Variants in SORCS2 observed in about 807,000 individuals in gnomAD.
The protein encoded by SORCS2 is sortilin related VPS10 domain containing receptor 2.
SORCS2 carries 100 observed loss-of-function variants against 141.6 expected under a neutral mutation model. That is an observed-to-expected ratio of 0.71 (90% CI 0.60 to 0.83). The LOEUF (loss-of-function observed/expected upper bound fraction) is 0.83, where lower values mean the gene tolerates loss of function less well. SORCS2 is among the 40% of genes least tolerant of loss of function. The probability of loss-of-function intolerance (pLI) is 0.00; values close to 1 mark genes in which losing one functional copy is unlikely to be tolerated. For synonymous variants in SORCS2, 789 were observed against 676.9 expected, an observed-to-expected ratio of 1.17 and a Z score of -2.57; for missense variants, 1,646 against 1,560.2, an observed-to-expected ratio of 1.05 and a Z score of -0.93.
chr4:7,577,446 A>C (rs551280640), intron 3 of SORCS2, among the ~76,000 whole-genome samples: 1 of 152,178 alleles, frequency 6.6e-6, no homozygotes, highest in East Asian at 1.9e-4. Context: ...CATACAGGCG[A>C]AGTCAGCTAG....
chr4:7,580,123 T>C (rs1450817393), intron 3 of SORCS2, among the ~76,000 whole-genome samples: 18 of 152,202 alleles, frequency 1.2e-4, no homozygotes, highest in Admixed American at 1.2e-3. Flanking sequence ...ACCTTTCCAA[T>C]TCATATAGTA....
chr4:7,470,261 C>G (rs1729890734), intron 2 of SORCS2, among the ~76,000 whole-genome samples: 1 of 151,706 alleles, frequency 6.6e-6, no homozygotes, highest in Non-Finnish European at 1.5e-5. Context: ...ATCCTCCCAT[C>G]CTCCCATCCT....
At chr4:7,309,615 C>T (rs947685906) in intron 1 of SORCS2, among the ~76,000 whole-genome samples, 1 of 152,150 alleles carries the variant, frequency 6.6e-6, no homozygotes, top group Admixed American at 6.5e-5. Context: ...GTATTTTCAG[C>T]TTTTTTAGTG....
At chr4:7,649,623 C>T (rs1043034103) in intron 4 of SORCS2, among the ~76,000 whole-genome samples, 2 of 152,114 alleles carry the variant, frequency 1.3e-5, no homozygotes, top group African/African-American at 2.4e-5. Flanking sequence ...AGGACAGGAA[C>T]CCAGGGAGGA....
At chr4:7,503,579 T>A (rs990340338) in intron 2 of SORCS2, among the ~76,000 whole-genome samples, 4 of 152,064 alleles carry the variant, frequency 2.6e-5, no homozygotes, top group African/African-American at 9.7e-5. Context: ...GAGACCCAGA[T>A]ACACCTGCAG....
intron 1 of SORCS2, among the ~76,000 whole-genome samples, chr4:7,270,008 T>C (rs954646520): frequency 5.9e-5 from 9 of 152,210 alleles, no homozygotes; most frequent in African/African-American, 2.2e-4. Context: ...GCCTCCCAAG[T>C]AGCTGAGACT....
intron 1 of SORCS2, among the ~76,000 whole-genome samples, chr4:7,287,930 C>T (rs377170210): frequency 6.6e-5 from 10 of 152,320 alleles, no homozygotes; most frequent in East Asian, 1.9e-4. Context: ...ACATGCAGGC[C>T]GATTGGAGCC....
intron 2 of SORCS2, among the ~76,000 whole-genome samples, chr4:7,462,203 T>A (rs28650405): frequency 0.038 from 5,769 of 152,256 alleles, 381 homozygotes; most frequent in African/African-American, 0.13. Flanking sequence ...GCGCCAGCTC[T>A]CCTGCCCGGT....
At chr4:7,206,128 G>A (rs1727722756) in intron 1 of SORCS2, among the ~76,000 whole-genome samples, 1 of 152,106 alleles carries the variant, frequency 6.6e-6, no homozygotes, top group Non-Finnish European at 1.5e-5. Flanking sequence ...GATGAGATGG[G>A]GACAGATGGA....
chr4:7,579,861 A>G (rs1716029669), intron 3 of SORCS2, among the ~76,000 whole-genome samples: 1 of 152,128 alleles, frequency 6.6e-6, no homozygotes. Flanking sequence ...TCTTCTACCT[A>G]GAGGGATCCA....
intron 3 of SORCS2, among the ~76,000 whole-genome samples, chr4:7,563,525 G>A (rs1480265497): frequency 1.3e-5 from 2 of 152,186 alleles, no homozygotes; most frequent in Non-Finnish European, 2.9e-5. Flanking sequence ...CATGCCACTA[G>A]ATGGTCATGG....
intron 2 of SORCS2, among the ~76,000 whole-genome samples, chr4:7,479,527 C>A (rs1186593665): frequency 6.6e-6 from 1 of 152,252 alleles, no homozygotes; most frequent in Admixed American, 6.5e-5. Context: ...GAGGCATTAG[C>A]CCCTTCTGCA....
intron 1 of SORCS2, among the ~76,000 whole-genome samples, chr4:7,370,778 A>G (rs61260791): frequency 0.12 from 18,022 of 151,778 alleles, 1,751 homozygotes; most frequent in East Asian, 0.56. Flanking sequence ...GGCCCCCTTT[A>G]CTGGTCCTCT....
intron 3 of SORCS2, among the ~76,000 whole-genome samples, chr4:7,532,413 C>A (rs926124340): frequency 6.6e-6 from 1 of 152,210 alleles, no homozygotes; most frequent in East Asian, 1.9e-4. Context: ...GATCAGGCAC[C>A]CAGAGCCCCT....
chr4:7,337,396 C>A (rs2108980499), intron 1 of SORCS2, among the ~76,000 whole-genome samples: 1 of 152,224 alleles, frequency 6.6e-6, no homozygotes, highest in African/African-American at 2.4e-5. Flanking sequence ...GGAGAAGGTG[C>A]CCGCACTGGA....
Position 7,286,429 on chromosome 4 carries a change from G to T in SORCS2, c.480+93303G>T, listed in dbSNP as rs575318737. Among the ~76,000 whole-genome samples, 6 of 152,318 alleles carry T rather than the reference G, an allele frequency of 3.9e-5. No individual in the cohort carries two copies. In the South Asian group the frequency reaches 1.0e-3, roughly 26 times the overall value. On this transcript the variant is annotated intron_variant, in intron 1 of 26. Coordinates refer to ENST00000507866, the MANE Select transcript of SORCS2 (RefSeq NM_020777.3). The surrounding 1 kb of genome is among the most constrained non-coding windows in gnomAD (Gnocchi z 4.1). ...GTGGGCGAAGGGAGACGTCCTGGAAGGCAGCCACGAGGCCTGACGTTGGAG... is the reference window on the plus strand; with the variant it reads ...GTGGGCGAAGGGAGACGTCCTGGAATGCAGCCACGAGGCCTGACGTTGGAG...
At chr4:7,638,232 G>C in intron 3 of SORCS2, 96 bp from the exon 4 acceptor site, 1 of 1,390,774 alleles carries the variant, frequency 7.2e-7, no homozygotes, top group Non-Finnish European at 9.6e-7. Flanking sequence ...TGGTGTGAGG[G>C]AGAGAGGCGC....
At chr4:7,480,648 C>G (rs574324703) in intron 2 of SORCS2, among the ~76,000 whole-genome samples, 37 of 152,352 alleles carry the variant, frequency 2.4e-4, no homozygotes, top group Admixed American at 2.0e-3. Context: ...ATGGCAGGTG[C>G]CCCGGGTAGC....
chr4:7,458,813 G>T (rs1729091549), intron 2 of SORCS2, among the ~76,000 whole-genome samples: 1 of 152,246 alleles, frequency 6.6e-6, no homozygotes, highest in African/African-American at 2.4e-5. Context: ...GGTGTCCCCA[G>T]GGGTCAGGGG....
Sources: allele counts gnomAD v4.1 joint callset (sites outside exome capture counted in the v4.1 genomes callset), GRCh38; gene constraint gnomAD v4.1.1; non-coding constraint Gnocchi (gnomAD v3.1); transcripts MANE v1.5; gene names NCBI Gene and HGNC (gene_info 2026-07-23, HGNC 2026-07-21).